Variants in ADAMTS12 observed in about 807,000 individuals in gnomAD.
ADAMTS12 encodes the protein ADAM metallopeptidase with thrombospondin type 1 motif 12, also known as A disintegrin and metalloproteinase with thrombospondin motifs 12.
ADAMTS12 carries 118 observed loss-of-function variants against 167.8 expected under a neutral mutation model. That is an observed-to-expected ratio of 0.70 (90% confidence interval 0.61 to 0.82). The LOEUF (loss-of-function observed/expected upper bound fraction) is 0.82, where lower values mean the gene tolerates loss of function less well. Ranked by LOEUF, ADAMTS12 falls within the 40% of genes least tolerant of loss-of-function variation. ADAMTS12 has a pLI of 0.00. For synonymous variants in ADAMTS12, 704 were observed against 716.9 expected (o/e 0.98, Z 0.29); for missense variants, 1,916 against 1,998.8 (o/e 0.96, Z 0.79).
At chr5:33,664,926 A>C (rs1741414095) in intron 5 of ADAMTS12, among the ~76,000 whole-genome samples, 1 of 152,178 alleles carries the variant, frequency 6.6e-6, no homozygotes, top group African/African-American at 2.4e-5. Flanking sequence ...AGAAACTGTA[A>C]GGTATACATA....
chr5:33,580,703 C>T (rs1747021008), intron 18 of ADAMTS12, among the ~76,000 whole-genome samples: 1 of 152,136 alleles, frequency 6.6e-6, no homozygotes, highest in African/African-American at 2.4e-5. Context: ...ACCCACCAAC[C>T]TACCAACCAA....
At chr5:33,545,304 C>A (rs1448422885) in intron 22 of ADAMTS12, among the ~76,000 whole-genome samples, 2 of 152,154 alleles carry the variant, frequency 1.3e-5, no homozygotes, top group Non-Finnish European at 2.9e-5. Flanking sequence ...ATCAAAACCA[C>A]AATGAGATAC....
chr5:33,831,478 GC>G (rs935401464), intron 2 of ADAMTS12, among the ~76,000 whole-genome samples: 4 of 152,156 alleles, frequency 2.6e-5, no homozygotes, highest in African/African-American at 9.7e-5. Flanking sequence ...GCACAAATTA[GC>G]CCAAATAGTA....
At chr5:33,624,571 G>A (rs1223373804) in intron 13 of ADAMTS12, among the ~76,000 whole-genome samples, 2 of 152,220 alleles carry the variant, frequency 1.3e-5, no homozygotes, top group African/African-American at 4.8e-5. Flanking sequence ...CACACATTGA[G>A]TGAGGTCTCT....
chr5:33,712,217 T>C (rs1335977061), intron 3 of ADAMTS12, among the ~76,000 whole-genome samples: 2 of 152,116 alleles, frequency 1.3e-5, no homozygotes, highest in Non-Finnish European at 2.9e-5. Context: ...TAATAATTGA[T>C]CTAACAAATA....
At chr5:33,871,976 CT>C (rs1750052452) in intron 2 of ADAMTS12, among the ~76,000 whole-genome samples, 1 of 152,078 alleles carries the variant, frequency 6.6e-6, no homozygotes, top group East Asian at 1.9e-4. Context: ...GAAACAATTC[CT>C]TGAATGACAC....
chr5:33,678,481 G>A (rs1741997834), intron 5 of ADAMTS12, among the ~76,000 whole-genome samples: 1 of 152,190 alleles, frequency 6.6e-6, no homozygotes, highest in Admixed American at 6.5e-5. Flanking sequence ...TTTTATGGGA[G>A]TCAATAACAG....
chr5:33,881,048 T>C, intron 2 of ADAMTS12, 71 bp downstream of exon 2: 1 of 1,557,594 alleles, frequency 6.4e-7, no homozygotes, highest in South Asian at 1.2e-5. Flanking sequence ...GTGAACCTGT[T>C]GGTAGTAGGT....
At chr5:33,889,431 G>C (rs1376848351) in intron 1 of ADAMTS12, among the ~76,000 whole-genome samples, 1 of 152,190 alleles carries the variant, frequency 6.6e-6, no homozygotes, top group Non-Finnish European at 1.5e-5. Context: ...TATTTGTGAG[G>C]CTGTAGGTAG....
intron 22 of ADAMTS12, among the ~76,000 whole-genome samples, chr5:33,541,031 T>A (rs1744672495): frequency 6.6e-6 from 1 of 152,164 alleles, no homozygotes; most frequent in African/African-American, 2.4e-5. Context: ...TAATAACAAT[T>A]TCTCTGAGCT....
chr5:33,713,154 T>C (rs1217669403), intron 3 of ADAMTS12, among the ~76,000 whole-genome samples: 1 of 152,138 alleles, frequency 6.6e-6, no homozygotes, highest in African/African-American at 2.4e-5. Context: ...GTTCATAATG[T>C]GAAATGCAAC....
At chr5:33,616,191 G>C (rs1399847962) in intron 14 of ADAMTS12, 119 bp from the exon 15 acceptor site, 2 of 1,376,914 alleles carry the variant, frequency 1.5e-6, no homozygotes, top group Non-Finnish European at 1.9e-6. Context: ...GACCTTGCTG[G>C]GTGGCCACTG....
intron 1 of ADAMTS12, 119 bp downstream of exon 1, chr5:33,891,611 C>G: frequency 6.8e-7 from 1 of 1,474,812 alleles, no homozygotes; most frequent in Non-Finnish European, 9.2e-7. Context: ...CCTTACAACG[C>G]AGCCAAATGG....
chr5:33,587,558 G>A (rs1010258218), intron 18 of ADAMTS12, among the ~76,000 whole-genome samples: 11 of 152,130 alleles, frequency 7.2e-5, no homozygotes, highest in Admixed American at 2.0e-4. Flanking sequence ...AGTCTCAAGC[G>A]ATCCTCCTGC....
intron 20 of ADAMTS12, among the ~76,000 whole-genome samples, chr5:33,552,133 T>C (rs1055325499): frequency 1.3e-5 from 2 of 152,322 alleles, no homozygotes; most frequent in Admixed American, 1.3e-4. Flanking sequence ...AAAATATCCT[T>C]AGCTTACTGG....
chr5:33,646,890 A>G (rs1481254076), intron 9 of ADAMTS12, among the ~76,000 whole-genome samples: 1 of 152,230 alleles, frequency 6.6e-6, no homozygotes, highest in Non-Finnish European at 1.5e-5. Context: ...CATGAAAGTG[A>G]GAGAAAATTC....
chr5:33,535,908 G>A (rs556899907), intron 22 of ADAMTS12, among the ~76,000 whole-genome samples: 15 of 152,044 alleles, frequency 9.9e-5, no homozygotes, highest in Non-Finnish European at 2.2e-4. Context: ...AGCAACAGCG[G>A]ACCCAGCTCT....
chr5:33,561,193 GGA>G lies in ADAMTS12; in HGVS notation c.3973-16_3973-15del, dbSNP rs111601522. 6,870 of 1,611,626 alleles carry G rather than the reference GGA, an allele frequency of 4.3e-3. 156 individuals carry two copies. In the East Asian group the frequency reaches 0.046, roughly 11 times the overall value. ...TGTGGTGGAGCACTGTAGCAGGGAA[GGA>G]GAGAGATGACAGAGGCTGAGTGTCA... On this transcript the variant is annotated splice_polypyrimidine_tract_variant and intron_variant, in intron 19 of 23. Transcript: ENST00000504830.
rs1300589655 is a variant in ADAMTS12 at position 33,648,919 on chromosome 5, A to G, written c.1382T>C (p.Leu461Ser). The G allele has an allele frequency of 6.2e-7, 1 of 1,614,058 alleles. No individual in the cohort carries two copies. The highest frequency in any genetic ancestry group is 1.7e-5 in the Admixed American group (1 of 60,016). The change falls in exon 9 of 24, where the codon TTG (leucine) becomes TCG (serine). Residue 461 changes from leucine (L) to serine (S), a missense_variant. By Grantham distance (145) the Leu-to-Ser change is moderately radical. Coordinates refer to ENST00000504830, the MANE Select transcript of ADAMTS12 (RefSeq NM_030955.4). ...TCCGGGGGCAATGACCTTGGACTTC[A>G]AGCCTTTCTTTTTAGGTATGTCATC... ...CLDDIPKKKG[L>S]KSKVIAPGVI...
Sources: gnomAD v4.1 joint callset for allele counts (sites outside exome capture counted in the v4.1 genomes callset) on GRCh38, gnomAD v4.1.1 for gene constraint, MANE v1.5 for transcripts, NCBI Gene and HGNC (gene_info 2026-07-23, HGNC 2026-07-21) for gene names.